DSCAM: variants seen among roughly 807,000 people sequenced by gnomAD.
DSCAM encodes the protein DS cell adhesion molecule, also known as cell adhesion molecule DSCAM.
Under a neutral mutation model 217.7 loss-of-function variants are expected in DSCAM, and 47 were observed. That is an observed-to-expected ratio of 0.22 (90% CI 0.17 to 0.28). The LOEUF is 0.28. Ranked by LOEUF, DSCAM falls within the 10% of genes least tolerant of loss-of-function variation. DSCAM has a pLI of 1.00. For missense variants in DSCAM, 2,080 were observed against 2,618.3 expected (o/e 0.79, Z 4.49); for synonymous variants, 1,056 against 1,015.3 (o/e 1.04, Z -0.76).
intron 9 of DSCAM, among the ~76,000 whole-genome samples, chr21:40,298,083 A>ATTTTTT (rs2073974904): frequency 4.7e-5 from 6 of 127,796 alleles, no homozygotes; most frequent in African/African-American, 2.2e-4. Flanking sequence ...TTTAGCTTTT[A>ATTTTTT]CTTTTTTTTT....
intron 10 of DSCAM, among the ~76,000 whole-genome samples, chr21:40,284,203 G>A (rs1339882540): frequency 6.6e-6 from 1 of 152,196 alleles, no homozygotes; most frequent in East Asian, 1.9e-4. Context: ...GAAATACAAT[G>A]CTTATTCAGT....
At chr21:40,547,923 C>T (rs1016513006) in intron 3 of DSCAM, among the ~76,000 whole-genome samples, 1 of 152,134 alleles carries the variant, frequency 6.6e-6, no homozygotes, top group Non-Finnish European at 1.5e-5. Context: ...CGCAGTGTCC[C>T]GCAGCCCCCC....
At chr21:40,323,921 T>C (rs773400565) in intron 8 of DSCAM, among the ~76,000 whole-genome samples, 18 of 151,720 alleles carry the variant, frequency 1.2e-4, no homozygotes, top group Non-Finnish European at 2.7e-4. Context: ...CTGGCCAACA[T>C]AGTGAAACCC....
chr21:40,662,324 C>A (rs559914515), intron 3 of DSCAM, among the ~76,000 whole-genome samples: 1 of 152,148 alleles, frequency 6.6e-6, no homozygotes, highest in Admixed American at 6.5e-5. Context: ...ATTATCTTGA[C>A]AGACATGCCA....
At chr21:40,236,740 T>C (rs898117340) in intron 11 of DSCAM, among the ~76,000 whole-genome samples, 3 of 152,164 alleles carry the variant, frequency 2.0e-5, no homozygotes, top group Admixed American at 2.0e-4. Context: ...TTAATATGGA[T>C]AAACAGCTTG....
intron 11 of DSCAM, among the ~76,000 whole-genome samples, chr21:40,269,586 T>G (rs79391500): frequency 0.038 from 5,725 of 152,292 alleles, 352 homozygotes; most frequent in African/African-American, 0.13. Flanking sequence ...AACAGCAATT[T>G]ATTCTCACAT....
At position 40,011,280 on chromosome 21, in the gene DSCAM, C is replaced by A. The variant is rs931296475; in HGVS notation, c.*1754G>T. 3.9e-5 allele frequency: 6 copies of A among 152,116 alleles called. No individual in the cohort carries two copies. The highest frequency in any genetic ancestry group is 1.4e-4 in the African/African-American group (6 of 41,410). 9.4% of individuals were successfully genotyped at this position (152,116 alleles called of 1,614,324 possible). A position where few individuals can be genotyped will look rare whatever the true frequency, so the allele number is the denominator to read the frequency against. ...AGGTGGTCTTGACATGGTCCTGGAC[C>A]CATTCTGTGTCACTGAATCTAAGCA... On this transcript the variant is annotated 3_prime_UTR_variant, in exon 33 of 33. Transcript: ENST00000400454.
intron 10 of DSCAM, among the ~76,000 whole-genome samples, chr21:40,277,546 C>T (rs1221448039): frequency 6.6e-6 from 1 of 151,810 alleles, no homozygotes; most frequent in African/African-American, 2.4e-5. Context: ...GGACCTTTCA[C>T]ATTGAATGAG....
chr21:40,496,191 C>T (rs1003294450), intron 3 of DSCAM, among the ~76,000 whole-genome samples: 2 of 151,834 alleles, frequency 1.3e-5, no homozygotes, highest in African/African-American at 4.8e-5. Context: ...TATATGAAAC[C>T]CCATAAGACC....
intron 3 of DSCAM, among the ~76,000 whole-genome samples, chr21:40,433,244 G>C (rs1478676261): frequency 6.6e-6 from 1 of 151,814 alleles, no homozygotes; most frequent in Admixed American, 6.6e-5. Flanking sequence ...AGCTACGCGG[G>C]AGGCTGAGGC....
intron 23 of DSCAM, 146 bp from the exon 24 acceptor site, chr21:40,084,152 A>G (rs141440589): frequency 3.3e-6 from 2 of 609,532 alleles, no homozygotes; most frequent in East Asian, 6.0e-5. Context: ...CTTCTGTCAA[A>G]ATGTCTATTT....
At chr21:40,197,157 G>C (rs1445937780) in intron 11 of DSCAM, among the ~76,000 whole-genome samples, 1 of 151,426 alleles carries the variant, frequency 6.6e-6, no homozygotes, top group Non-Finnish European at 1.5e-5. Flanking sequence ...CTTGCTCTGT[G>C]GCCCAGGCTG....
chr21:40,591,391 G>C (rs1369192426), intron 3 of DSCAM, among the ~76,000 whole-genome samples: 1 of 152,154 alleles, frequency 6.6e-6, no homozygotes, highest in African/African-American at 2.4e-5. Flanking sequence ...AAAGTACTGA[G>C]TATCCACCTG....
chr21:40,299,647 C>T (rs2123456992), intron 9 of DSCAM, among the ~76,000 whole-genome samples: 1 of 152,192 alleles, frequency 6.6e-6, no homozygotes, highest in East Asian at 1.9e-4. Flanking sequence ...ACAGCTGCAT[C>T]ACCAGCTAAG....
intron 11 of DSCAM, among the ~76,000 whole-genome samples, chr21:40,199,632 C>T (rs182442191): frequency 1.3e-5 from 2 of 152,270 alleles, no homozygotes; most frequent in East Asian, 3.9e-4. Context: ...AAAAGCATTC[C>T]TATTTCTCCA....
chr21:40,615,314 A>T (rs2089377291), intron 3 of DSCAM: 1 of 151,588 alleles, frequency 6.6e-6, no homozygotes, highest in Non-Finnish European at 1.5e-5. Context: ...AGAAAAGAAA[A>T]TTGATGGGAA....
intron 1 of DSCAM, among the ~76,000 whole-genome samples, chr21:40,724,967 A>G (rs2090939173): frequency 6.6e-6 from 1 of 152,124 alleles, no homozygotes; most frequent in Non-Finnish European, 1.5e-5. Flanking sequence ...ATAAATGACC[A>G]TTCTCATAAA....
At chr21:40,321,878 C>T (rs919092615) in intron 8 of DSCAM, among the ~76,000 whole-genome samples, 2 of 152,094 alleles carry the variant, frequency 1.3e-5, no homozygotes, top group Admixed American at 1.3e-4. Context: ...ACACCCTGTC[C>T]GAGCCCCATT....
intron 11 of DSCAM, among the ~76,000 whole-genome samples, chr21:40,257,634 T>C (rs1397082365): frequency 1.3e-5 from 2 of 152,128 alleles, no homozygotes; most frequent in Non-Finnish European, 2.9e-5. Flanking sequence ...TTAGCATTAC[T>C]ACAATCCCAA....
Sources: gnomAD v4.1 joint callset for allele counts (sites outside exome capture counted in the v4.1 genomes callset) on GRCh38, gnomAD v4.1.1 for gene constraint, MANE v1.5 for transcripts, NCBI Gene and HGNC (gene_info 2026-07-23, HGNC 2026-07-21) for gene names.